FUT8: variants seen among roughly 807,000 people sequenced by gnomAD.
The protein encoded by FUT8 is fucosyltransferase 8.
Under a neutral mutation model 71.3 loss-of-function variants are expected in FUT8, and 29 were observed. That is an observed-to-expected ratio of 0.41 (90% CI 0.30 to 0.55). The LOEUF is 0.55. FUT8 is among the 20% of genes least tolerant of loss of function. FUT8 has a pLI of 0.34. For synonymous variants in FUT8, 254 were observed against 239.3 expected, an observed-to-expected ratio of 1.06 and a Z score of -0.57; for missense variants, 544 against 702.1, an observed-to-expected ratio of 0.77 and a Z score of 2.55.
At chr14:65,566,320 A>G (rs949670695) in intron 3 of FUT8, among the ~76,000 whole-genome samples, 10 of 152,108 alleles carry the variant, frequency 6.6e-5, no homozygotes, top group African/African-American at 2.2e-4. Flanking sequence ...TTGCAAGTCA[A>G]GAGGCCTACC....
intron 2 of FUT8, among the ~76,000 whole-genome samples, chr14:65,533,342 T>C (rs2139922533): frequency 6.6e-6 from 1 of 152,344 alleles, no homozygotes; most frequent in Non-Finnish European, 1.5e-5. Flanking sequence ...AGCAGTGTTT[T>C]GTAATTCTCA....
chr14:65,593,796 G>T (rs992025142), intron 3 of FUT8, among the ~76,000 whole-genome samples: 1 of 152,122 alleles, frequency 6.6e-6, no homozygotes, highest in Non-Finnish European at 1.5e-5. Context: ...AGCTGGTCTT[G>T]AACTCCCAAC....
intron 3 of FUT8, among the ~76,000 whole-genome samples, chr14:65,578,783 C>T (rs184383913): frequency 1.8e-4 from 27 of 152,182 alleles, no homozygotes; most frequent in African/African-American, 6.0e-4. Context: ...TTAGAGCTAG[C>T]CTGTGAATTA....
intron 5 of FUT8, among the ~76,000 whole-genome samples, chr14:65,624,232 C>G (rs961961569): frequency 6.6e-5 from 10 of 151,408 alleles, no homozygotes. Context: ...CATGAAGTTA[C>G]AGTAACTTAT....
the FUT8 span, among the ~76,000 whole-genome samples, chr14:65,385,366 GT>G: frequency 1 from 152,289 of 152,298 alleles, 76,140 homozygotes; most frequent in Middle Eastern, 1. Context: ...TGAAGTCACA[GT>G]AAACCAATTT....
At chr14:65,647,804 A>G (rs889146928) in intron 6 of FUT8, among the ~76,000 whole-genome samples, 9 of 152,182 alleles carry the variant, frequency 5.9e-5, no homozygotes, top group African/African-American at 2.2e-4. Context: ...ACTAGTGTGA[A>G]TAGAAAGTAA....
At chr14:65,633,741 A>C (rs1659329401) in intron 6 of FUT8, among the ~76,000 whole-genome samples, 2 of 141,766 alleles carry the variant, frequency 1.4e-5, no homozygotes, top group Admixed American at 6.9e-5. Flanking sequence ...ACCCTCTGCC[A>C]GGCAGCCGCC....
intron 3 of FUT8, among the ~76,000 whole-genome samples, chr14:65,612,318 T>A (rs917653481): frequency 6.6e-6 from 1 of 152,222 alleles, no homozygotes; most frequent in East Asian, 1.9e-4. Flanking sequence ...ATGTTTGGTC[T>A]GGGGCACATT....
chr14:65,573,889 TC>T (rs1358014796), intron 3 of FUT8, among the ~76,000 whole-genome samples: 25 of 152,196 alleles, frequency 1.6e-4, no homozygotes, highest in South Asian at 2.1e-4. Context: ...CTTTTGCTGT[TC>T]AACAAATTAC....
the FUT8 span, among the ~76,000 whole-genome samples, chr14:65,388,118 A>G: frequency 2.0e-5 from 3 of 152,198 alleles, no homozygotes; most frequent in African/African-American, 7.2e-5. Flanking sequence ...AAACTGTTGT[A>G]TCTTCCCAAA....
intron 3 of FUT8, among the ~76,000 whole-genome samples, chr14:65,598,758 G>A (rs1445142251): frequency 2.0e-5 from 3 of 152,074 alleles, no homozygotes; most frequent in African/African-American, 7.2e-5. Flanking sequence ...TAGAAGTTAA[G>A]TAAAAATTTA....
intron 2 of FUT8, among the ~76,000 whole-genome samples, chr14:65,531,815 G>A (rs79559045): frequency 0.034 from 5,233 of 151,976 alleles, 149 homozygotes; most frequent in Admixed American, 0.065. Flanking sequence ...TGTTCCTTTC[G>A]TTGTGTTTAT....
intron 2 of FUT8, among the ~76,000 whole-genome samples, chr14:65,498,684 T>C (rs2066598518): frequency 6.6e-6 from 1 of 152,248 alleles, no homozygotes; most frequent in Non-Finnish European, 1.5e-5. Context: ...ATTCAATGAA[T>C]TGTTAAAACT....
intron 6 of FUT8, chr14:65,646,738 C>T (rs1169059517): frequency 6.6e-6 from 1 of 152,016 alleles, no homozygotes; most frequent in African/African-American, 2.4e-5. Context: ...CCTCTAATTG[C>T]CTAGCTAAGG....
chr14:65,425,503 C>CTTT (rs2065372134), intron 1 of FUT8, among the ~76,000 whole-genome samples: 1 of 108,314 alleles, frequency 9.2e-6, no homozygotes, highest in Non-Finnish European at 1.9e-5. Context: ...ATGAAATGTT[C>CTTT]TTTTTCCCCC....
chr14:65,582,320 T>C (rs1381022535), intron 3 of FUT8, among the ~76,000 whole-genome samples: 1 of 152,184 alleles, frequency 6.6e-6, no homozygotes, highest in Non-Finnish European at 1.5e-5. Context: ...TAAGAATATA[T>C]TTACTTCATT....
intron 1 of FUT8, among the ~76,000 whole-genome samples, chr14:65,445,985 G>C (rs955269895): frequency 1.4e-4 from 22 of 151,994 alleles, no homozygotes; most frequent in African/African-American, 5.3e-4. Context: ...GAATTGGGAT[G>C]GTCACCTAGT....
intron 7 of FUT8, among the ~76,000 whole-genome samples, chr14:65,675,949 A>C (rs1406658801): frequency 6.6e-6 from 1 of 152,176 alleles, no homozygotes; most frequent in Non-Finnish European, 1.5e-5. Flanking sequence ...GTGAGCCGAG[A>C]TCGCGCCACT....
intron 3 of FUT8, among the ~76,000 whole-genome samples, chr14:65,600,156 A>G (rs1003350139): frequency 2.6e-5 from 4 of 152,228 alleles, no homozygotes; most frequent in African/African-American, 4.8e-5. Flanking sequence ...CTTTAAAGAT[A>G]CTCATCTCTT....
Sources: allele counts gnomAD v4.1 joint callset (sites outside exome capture counted in the v4.1 genomes callset), GRCh38; gene constraint gnomAD v4.1.1; transcripts MANE v1.5; gene names NCBI Gene and HGNC (gene_info 2026-07-23, HGNC 2026-07-21).